The following CENPP variants were observed in gnomAD, a reference collection of about 807,000 sequenced individuals.
CENPP encodes centromere protein P.
CENPP carries 24 observed loss-of-function variants against 35.6 expected under a neutral mutation model. That is an observed-to-expected ratio of 0.67 (90% CI 0.49 to 0.95). The LOEUF (loss-of-function observed/expected upper bound fraction) is 0.95. CENPP is among the 40% of genes least tolerant of loss of function. The pLI is 0.00. For synonymous variants in CENPP, 120 were observed against 125.5 expected, an observed-to-expected ratio of 0.96 and a Z score of 0.29; for missense variants, 332 against 345.3, an observed-to-expected ratio of 0.96 and a Z score of 0.31.
chr9:92,571,096 C>T (rs866924348), intron 5 of CENPP, among the ~76,000 whole-genome samples: 83 of 151,358 alleles, frequency 5.5e-4, no homozygotes, highest in Middle Eastern at 3.4e-3. Flanking sequence ...CTGCTCTGAT[C>T]TTAGTTATTT....
chr9:92,474,859 G>A (rs140557213), intron 5 of CENPP: 4 of 1,613,746 alleles, frequency 2.5e-6, no homozygotes, highest in Non-Finnish European at 2.5e-6. Context: ...GTTTGGCAGA[G>A]CACAAAGCCA....
intron 5 of CENPP, chr9:92,459,802 C>T (rs1455586515): frequency 6.2e-7 from 1 of 1,607,424 alleles, no homozygotes; most frequent in Middle Eastern, 1.7e-4. Flanking sequence ...TCAAGTCTTA[C>T]ACAGATGGTT....
In CENPP at chr9:92,613,108, G is replaced by A. The variant is rs1197091344; in HGVS notation, c.826G>A (p.Glu276Lys). The change falls in exon 8 of 8, where the codon GAA becomes AAA. Residue 276 changes from glutamate to lysine, a missense_variant. Coordinates refer to ENST00000375587, the MANE Select transcript of CENPP (RefSeq NM_001012267.3). ...VGLLGIEAAL[E>K]SLIKSLCAEE... ...ACTGCTTGGAATCGAAGCTGCTCTG[G>A]AAAGCCTGATAAAATCGCTTTGTGC... 6.2e-7 allele frequency: 1 copy of A among 1,614,200 alleles called. No individual in the cohort carries two copies. Among genetic ancestry groups the A allele is most frequent in the Non-Finnish European group, 8.5e-7 (1 of 1,180,022 alleles).
chr9:92,526,134 C>T (rs2131260367), intron 5 of CENPP, among the ~76,000 whole-genome samples: 1 of 152,130 alleles, frequency 6.6e-6, no homozygotes, highest in Middle Eastern at 3.4e-3. Flanking sequence ...CCATGAAGAC[C>T]TTCCAGTGGG....
chr9:92,544,952 C>T (rs771453427), intron 5 of CENPP, among the ~76,000 whole-genome samples: 1 of 152,132 alleles, frequency 6.6e-6, no homozygotes, highest in Non-Finnish European at 1.5e-5. Context: ...AAACTCCTGA[C>T]CTCAGGTGAT....
chr9:92,377,841 A>G (rs1842158464), intron 4 of CENPP, among the ~76,000 whole-genome samples: 1 of 152,150 alleles, frequency 6.6e-6, no homozygotes, highest in Non-Finnish European at 1.5e-5. Context: ...ATTCTATACT[A>G]TAATTCAGTT....
At chr9:92,527,793 A>G (rs758662031) in intron 5 of CENPP, among the ~76,000 whole-genome samples, 2 of 152,120 alleles carry the variant, frequency 1.3e-5, no homozygotes, top group Non-Finnish European at 2.9e-5. Context: ...TATGGCTGCC[A>G]TCCTGGGTCC....
intron 5 of CENPP, chr9:92,466,358 C>G (rs1419130472): frequency 1.9e-6 from 3 of 1,584,940 alleles, no homozygotes; most frequent in Non-Finnish European, 2.6e-6. Context: ...AAAAACTTAC[C>G]CAAAACGTGT....
At chr9:92,479,228 C>G (rs1845824540) in intron 5 of CENPP, among the ~76,000 whole-genome samples, 1 of 152,200 alleles carries the variant, frequency 6.6e-6, no homozygotes, top group Non-Finnish European at 1.5e-5. Context: ...ACCAGTCCCC[C>G]AGTGGCATCA....
intron 5 of CENPP, among the ~76,000 whole-genome samples, chr9:92,573,513 T>G (rs1191767219): frequency 6.6e-6 from 1 of 152,172 alleles, no homozygotes; most frequent in Non-Finnish European, 1.5e-5. Flanking sequence ...GGCCCCTACT[T>G]GGAGGTGTCT....
chr9:92,377,539 T>C (rs1842152150), intron 4 of CENPP, among the ~76,000 whole-genome samples: 1 of 152,156 alleles, frequency 6.6e-6, no homozygotes, highest in African/African-American at 2.4e-5. Flanking sequence ...TACAAAACGC[T>C]CTTAGCCTTT....
intron 5 of CENPP, among the ~76,000 whole-genome samples, chr9:92,553,289 T>G (rs539126493): frequency 6.6e-6 from 1 of 152,348 alleles, no homozygotes; most frequent in Non-Finnish European, 1.5e-5. Flanking sequence ...TTTATACCAG[T>G]ATTATGCTGT....
In CENPP at chr9:92,399,935, G is replaced by A. The variant is rs73520515; in HGVS notation, c.564+20076G>A. ...ATATATTTTAATGTGTAGTACATCT[G>A]ATTCCTACATATACTTGTTACTGTT... On this transcript the variant is annotated intron_variant, in intron 5 of 7. Transcript: ENST00000375587. Among the ~76,000 whole-genome samples, 721 of 152,128 alleles carry A rather than the reference G, an allele frequency of 4.7e-3. 7 individuals are homozygous for A. Among genetic ancestry groups the A allele is most frequent in the African/African-American group, 0.016 (677 of 41,518 alleles).
intron 5 of CENPP, chr9:92,494,209 AT>A (rs1846252516): frequency 6.5e-7 from 1 of 1,542,122 alleles, no homozygotes; most frequent in Non-Finnish European, 8.8e-7. Flanking sequence ...TCTCTGTGTC[AT>A]CCCAAGATGC....
intron 5 of CENPP, chr9:92,389,839 C>T: frequency 6.5e-7 from 1 of 1,549,760 alleles, no homozygotes. Context: ...CTTAGTTTTA[C>T]TATAAAATAC....
At chr9:92,355,099 T>A (rs1173962746) in intron 4 of CENPP, among the ~76,000 whole-genome samples, 1 of 152,084 alleles carries the variant, frequency 6.6e-6, no homozygotes, top group African/African-American at 2.4e-5. Context: ...TTGATAAACA[T>A]CTTAAACAAC....
intron 4 of CENPP, 80 bp downstream of exon 4, chr9:92,345,867 T>G (rs1841279894): frequency 2.5e-6 from 2 of 802,700 alleles, no homozygotes; most frequent in South Asian, 1.5e-5. Flanking sequence ...CCTTTTCCTC[T>G]TCTTAGTAAG....
rs968302067 is a variant in CENPP, at chr9:92,428,876, G to A, written c.564+49017G>A. ...TGGTTTCTGCGCTGTACCCACACTG[G>A]CTTCTTTTTGACCCTCACATTGCCA... On this transcript the variant is annotated intron_variant, in intron 5 of 7. Transcript: ENST00000375587. Among the ~76,000 whole-genome samples the A allele has an allele frequency of 4.2e-5, 6 of 143,866 alleles. No individual in the cohort carries two copies. In the South Asian group the frequency reaches 1.4e-3, roughly 35 times the overall value. 94.4% of individuals were successfully genotyped at this position (143,866 alleles called of 152,430 possible). A position where few individuals can be genotyped will look rare whatever the true frequency, so the allele number is the denominator to read the frequency against.
intron 5 of CENPP, among the ~76,000 whole-genome samples, chr9:92,584,107 C>G (rs770564092): frequency 4.2e-4 from 64 of 152,166 alleles, no homozygotes; most frequent in Non-Finnish European, 7.6e-4. Flanking sequence ...CCACACCTCA[C>G]CCCAGCCATC....
Sources: allele counts gnomAD v4.1 joint callset (sites outside exome capture counted in the v4.1 genomes callset), GRCh38; gene constraint gnomAD v4.1.1; transcripts MANE v1.5; gene names NCBI Gene and HGNC (gene_info 2026-07-23, HGNC 2026-07-21).